Variants in BHLHE41 observed in about 807,000 individuals in gnomAD.
BHLHE41 encodes the protein basic helix-loop-helix family member e41.
A neutral mutation model predicts 24.0 loss-of-function variants in BHLHE41; 14 were observed. That is an observed-to-expected ratio of 0.58 (90% CI 0.39 to 0.91). BHLHE41 has a LOEUF of 0.91. BHLHE41 is among the 40% of genes least tolerant of loss of function. The pLI, the probability that BHLHE41 is intolerant of heterozygous loss-of-function variation, is 0.00. For missense variants in BHLHE41, 674 were observed against 655.4 expected (o/e 1.03, Z -0.31); for synonymous variants, 394 against 315.5 (o/e 1.25, Z -2.64).
In BHLHE41 at chr12:26,124,772, T is replaced by A. The variant is rs775429463; in HGVS notation, c.8A>T (p.Glu3Val). ...TCTCTCTTGCAAATGAGGAATTCCT[T>A]CGTCCATGTTCAACTGCTGTTCGTT... MD[E>V]GIPHLQERQL... The change falls in exon 1 of 5, where the codon GAA (glutamate) becomes GTA (valine). Residue 3 changes from glutamate (E) to valine (V), a missense_variant. Around this residue, in one of 3 missense-constraint regions of BHLHE41, gnomAD observed 67 missense variants for 62.4 expected, o/e 1.07. Transcript: ENST00000242728. 2.0e-5 allele frequency: 32 copies of A among 1,614,184 alleles called. No homozygotes were observed. Among genetic ancestry groups the A allele is most frequent in the Non-Finnish European group, 2.7e-5 (32 of 1,180,026 alleles).
chr12:26,124,164 G>A lies in BHLHE41; in HGVS notation c.142C>T (p.Pro48Ser). ...RDDTKDTYKLPHRLIEKKRRD... is the reference protein window; with the variant it reads ...RDDTKDTYKLSHRLIEKKRRD... ...CTTTTCTTTTCTATTAATCTGTGCG[G>A]TAATTTGTAGGTATCCTTAATATAT... Residue 48 changes from proline (P) to serine (S), a missense_variant, in exon 3 of 5, where the codon CCG becomes TCG. By Grantham distance (74) the Pro-to-Ser change is moderately conservative. Coordinates refer to ENST00000242728, the MANE Select transcript of BHLHE41 (RefSeq NM_030762.3). The A allele has an allele frequency of 6.2e-7, 1 of 1,603,108 alleles. No homozygotes were observed. Among genetic ancestry groups the A allele is most frequent in the African/African-American group, 1.3e-5 (1 of 74,750 alleles).
chr12:26,121,938 G>A lies in BHLHE41; in HGVS notation c.*128C>T, dbSNP rs1944308930. On this transcript the variant is annotated 3_prime_UTR_variant, in exon 5 of 5. Coordinates refer to ENST00000242728, the MANE Select transcript of BHLHE41 (RefSeq NM_030762.3). The stretch of plus-strand genomic sequence containing the variant: ...TTTGTTGTTCTTGTTTATGCCTGTC[G>A]TGCATCTATTACACTTCCTCCCTTA... 10 of 1,534,544 alleles carry A rather than the reference G, an allele frequency of 6.5e-6. No individual in the cohort carries two copies. The highest frequency in any genetic ancestry group is 2.8e-5 in the African/African-American group (2 of 72,442).
Position 26,123,031 on chromosome 12 carries a change from G to T in BHLHE41, c.484C>A (p.Leu162Met). ...WTPREPRCVQ[L>M]INHLHAVATQ... ...GCCACGGCGTGCAAGTGGTTGATCAGCTGGACACACCGCGGCTCCCTGGGT... is the reference window on the plus strand; with the variant it reads ...GCCACGGCGTGCAAGTGGTTGATCATCTGGACACACCGCGGCTCCCTGGGT... Residue 162 changes from leucine to methionine, a missense_variant, in exon 5 of 5, where the codon CTG becomes ATG. Coordinates refer to ENST00000242728, the MANE Select transcript of BHLHE41 (RefSeq NM_030762.3). 6.3e-7 allele frequency: 1 copy of T among 1,575,156 alleles called. No individual in the cohort carries two copies. The highest frequency in any genetic ancestry group is 8.6e-7 in the Non-Finnish European group (1 of 1,159,674).
At position 26,124,300 on chromosome 12, in the gene BHLHE41, C is replaced by A. The variant is rs539207624; in HGVS notation, c.127-121G>T. ...AAAACATACTATGTGATAAACTACA[C>A]CCAAGAAACCTCTTTCCTCTGGACT... On this transcript the variant is annotated intron_variant, in intron 2 of 4. Transcript: ENST00000242728. The A allele has an allele frequency of 2.8e-5, 17 of 598,688 alleles. No individual in the cohort carries two copies. In the African/African-American group the frequency reaches 3.8e-4, roughly 13 times the overall value. 37.1% of individuals were successfully genotyped at this position (598,688 alleles called of 1,614,324 possible). A position where few individuals can be genotyped will look rare whatever the true frequency, so the allele number is the denominator to read the frequency against.
chr12:26,122,821 C>T lies in BHLHE41; in HGVS notation c.694G>A (p.Ala232Thr). The T allele has an allele frequency of 6.3e-7, 1 of 1,584,590 alleles. No individual in the cohort carries two copies. Among genetic ancestry groups the T allele is most frequent in the Non-Finnish European group, 8.5e-7 (1 of 1,169,834 alleles). The change falls in exon 5 of 5, where the codon GCC becomes ACC. Residue 232 changes from alanine to threonine, a missense_variant. Transcript: ENST00000242728. ...QRTQPSAELAAENDTDTDSGY... is the reference protein window; with the variant it reads ...QRTQPSAELATENDTDTDSGY... Reference sequence around the variant, plus strand: ...CTGTCGGTGTCCGTGTCGTTCTCGGCGGCGAGCTCGGCGCTGGGCTGAGTC... The same window carrying T: ...CTGTCGGTGTCCGTGTCGTTCTCGGTGGCGAGCTCGGCGCTGGGCTGAGTC...
In BHLHE41 at chr12:26,122,282, CGCG is replaced by C. The variant is rs909227356; in HGVS notation, c.1230_1232del (p.Ala411del). ...ACAACACCGAGGACAGGCAGGGGAA[CGCG>C]GCGGCGGCGGCGGCAGCGGCGGCGG... On this transcript the variant is annotated inframe_deletion, in exon 5 of 5. Coordinates refer to ENST00000242728, the MANE Select transcript of BHLHE41 (RefSeq NM_030762.3). 2.4e-4 allele frequency: 288 copies of C among 1,197,586 alleles called. No homozygotes were observed. The highest frequency in any genetic ancestry group is 9.2e-4 in the East Asian group (26 of 28,320). 74.2% of individuals were successfully genotyped at this position (1,197,586 alleles called of 1,614,324 possible). A position where few individuals can be genotyped will look rare whatever the true frequency, so the allele number is the denominator to read the frequency against.
chr12:26,124,253 GCCCCCC>G, intron 2 of BHLHE41, 74 bp from the exon 3 acceptor site: 2 of 785,880 alleles, frequency 2.5e-6, no homozygotes, highest in East Asian at 2.8e-5. Flanking sequence ...ACCCTCGTCT[GCCCCCC>G]CCGCCCCCCC....
Position 26,122,216 on chromosome 12 carries a change from G to A in BHLHE41, c.1299C>T (p.Leu433=), listed in dbSNP as rs1944313249. ...CAAGGGGCGCCACCTCGTGCGGCAG[G>A]AGGGTCGCGGCGGCGGCGCCCGCCT... The part of the protein sequence containing the change: ...PEKAGAAAAT[L]LPHEVAPLGA... The change falls in exon 5 of 5, where the codon CTC becomes CTT. Residue 433 remains leucine, a synonymous_variant. Coordinates refer to ENST00000242728, the MANE Select transcript of BHLHE41 (RefSeq NM_030762.3). 1 of 1,319,488 alleles carries A rather than the reference G, an allele frequency of 7.6e-7. No individual in the cohort carries two copies. Among genetic ancestry groups the A allele is most frequent in the Non-Finnish European group, 9.6e-7 (1 of 1,036,302 alleles). The allele number at this position is 1,319,488 out of a possible 1,614,324, so 81.7% of individuals were successfully genotyped here.
chr12:26,122,969 T>C lies in BHLHE41; in HGVS notation c.546A>G (p.Gln182=), dbSNP rs983554553. The change falls in exon 5 of 5, where the codon CAA becomes CAG. Residue 182 remains glutamine (Q), a synonymous_variant. Transcript: ENST00000242728. ...CGGTGCCTTTGCTCAGAGGGACCTG[T>C]TGAGTCAACAGCTGCGGGGTGGGCA... ...QFLPTPQLLT[Q]QVPLSKGTGA... The C allele has an allele frequency of 6.4e-7, 1 of 1,562,646 alleles. No individual in the cohort carries two copies. The highest frequency in any genetic ancestry group is 8.7e-7 in the Non-Finnish European group (1 of 1,153,018).
chr12:26,121,806 AG>A lies in BHLHE41; in HGVS notation c.*259del. ...AAAAAAGAGCCAGTGTCTTTCGCAT[AG>A]GATCTTTTACAGCTGGTGGGGGGAA... is the stretch of plus-strand genomic sequence containing the variant. On this transcript the variant is annotated 3_prime_UTR_variant, in exon 5 of 5. Transcript: ENST00000242728. 3.9e-6 allele frequency: 3 copies of A among 764,694 alleles called. No homozygotes were observed. The highest frequency in any genetic ancestry group is 5.6e-6 in the Non-Finnish European group (3 of 534,830). 47.4% of individuals were successfully genotyped at this position (764,694 alleles called of 1,614,324 possible).
chr12:26,123,341 G>T (rs1455942430), intron 4 of BHLHE41, among the ~76,000 whole-genome samples, 173 bp from the exon 5 acceptor site: 1 of 152,174 alleles, frequency 6.6e-6, no homozygotes, highest in African/African-American at 2.4e-5. Context: ...GCGGGGTGGC[G>T]GAGGTGCGGA....
At position 26,120,220 on chromosome 12, in the gene BHLHE41, C is replaced by T. The variant is rs1591837193; in HGVS notation, c.*1846G>A. The T allele has an allele frequency of 1.3e-5, 2 of 152,534 alleles. No homozygotes were observed. The highest frequency in any genetic ancestry group is 4.1e-4 in the South Asian group (2 of 4,830). The allele number at this position is 152,534 out of a possible 1,614,324, so 9.4% of individuals were successfully genotyped here. A position where few individuals can be genotyped will look rare whatever the true frequency, so the allele number is the denominator to read the frequency against. ...TATAGATATCTTAAAACTAATTGAG[C>T]ATCCATTATGTCTTTTTTAATTATT... On this transcript the variant is annotated 3_prime_UTR_variant, in exon 5 of 5. Transcript: ENST00000242728.
chr12:26,123,203 G>A (rs1944330597), intron 4 of BHLHE41, 35 bp from the exon 5 acceptor site: 2 of 1,545,304 alleles, frequency 1.3e-6, no homozygotes, highest in African/African-American at 1.4e-5. Flanking sequence ...GGGGGACGGA[G>A]GAGTGGAGGC....
Position 26,122,472 on chromosome 12 carries a change from C to A in BHLHE41, c.1043G>T (p.Cys348Phe). 1 of 1,344,092 alleles carries A rather than the reference C, an allele frequency of 7.4e-7. No individual in the cohort carries two copies. The highest frequency in any genetic ancestry group is 9.6e-7 in the Non-Finnish European group (1 of 1,038,940). 83.3% of individuals were successfully genotyped at this position (1,344,092 alleles called of 1,614,324 possible). Residue 348 changes from cysteine to phenylalanine, a missense_variant, in exon 5 of 5, where the codon TGC becomes TTC. This residue lies in a region of BHLHE41 where 602 missense variants were observed against 570.8 expected (regional missense o/e 1.05). Transcript: ENST00000242728. ...PQPAAAAAPF[C>F]LPFCFLSPSA... ...AGGCGAGAGGAAGCAGAAGGGCAGG[C>A]AGAAGGGGGCCGCGGCGGCCGCGGG...
Position 26,122,309 on chromosome 12 carries a change from G to GGCGGCTGCC in BHLHE41, c.1197_1205dup (p.Ala409_Ala411dup), listed in dbSNP as rs917726348. ...CGGCGGCGGCGGCGGCAGCGGCGGCGGCGGCTGCCGCGGCTGCCGCCGGGG... is the reference window on the plus strand; with the variant it reads ...CGGCGGCGGCGGCGGCAGCGGCGGCGGCGGCTGCCGCGGCTGCCGCGGCTGCCGCCGGGG... On this transcript the variant is annotated inframe_insertion, in exon 5 of 5. Transcript: ENST00000242728. The GGCGGCTGCC allele has an allele frequency of 4.6e-5, 54 of 1,174,948 alleles. No homozygotes were observed. Among genetic ancestry groups the GGCGGCTGCC allele is most frequent in the Non-Finnish European group, 5.1e-5 (49 of 952,652 alleles). 72.8% of individuals were successfully genotyped at this position (1,174,948 alleles called of 1,614,324 possible).
rs764065401 is a variant in BHLHE41, at chr12:26,122,693, C to T, written c.822G>A (p.Ser274=). ...TIKQEPPGED[S]PAPKRMKLDS... Reference sequence around the variant, plus strand: ...CCAGCTTCATCCTCTTGGGCGCCGGCGAGTCCTCCCCGGGAGGCTCCTGCT... The same window carrying T: ...CCAGCTTCATCCTCTTGGGCGCCGGTGAGTCCTCCCCGGGAGGCTCCTGCT... Residue 274 remains serine (S), a synonymous_variant, in exon 5 of 5, where the codon TCG becomes TCA. Transcript: ENST00000242728. 3 of 1,563,008 alleles carry T rather than the reference C, an allele frequency of 1.9e-6. No homozygotes were observed. In the South Asian group the frequency reaches 3.5e-5, roughly 18 times the overall value.
Position 26,124,770 on chromosome 12 carries a change from C to T in BHLHE41, c.10G>A (p.Gly4Arg), listed in dbSNP as rs1944348574. The T allele has an allele frequency of 6.2e-7, 1 of 1,614,164 alleles. No individual in the cohort carries two copies. The highest frequency in any genetic ancestry group is 1.7e-5 in the Admixed American group (1 of 60,018). Reference protein sequence around the residue: MDEGIPHLQERQLL... With the variant: MDERIPHLQERQLL... ...TGTCTCTCTTGCAAATGAGGAATTC[C>T]TTCGTCCATGTTCAACTGCTGTTCG... Residue 4 changes from glycine to arginine, a missense_variant, in exon 1 of 5, where the codon GGA (glycine) becomes AGA (arginine). Physicochemically the swap from Gly to Arg is moderately radical, Grantham distance 125. This residue lies in a region of BHLHE41 where 67 missense variants were observed against 62.4 expected (regional missense o/e 1.07). Transcript: ENST00000242728.
At chr12:26,123,191 G>A (rs1288445879) in intron 4 of BHLHE41, 23 bp from the exon 5 acceptor site, 3 of 1,563,672 alleles carry the variant, frequency 1.9e-6, no homozygotes, top group African/African-American at 1.4e-5. Context: ...AGGGATGGGG[G>A]TGGGGGACGG....
At position 26,122,069 on chromosome 12, in the gene BHLHE41, G is replaced by T; in HGVS notation, c.1446C>A (p.Pro482=). Reference sequence around the variant, plus strand: ...CCGTCCTTCGGGACGCAAGGATTCAGGGAGCTTCCTTTCCTGGCTGCGAGG... The same window carrying T: ...CCGTCCTTCGGGACGCAAGGATTCATGGAGCTTCCTTTCCTGGCTGCGAGG... The part of the protein sequence containing the change: ...EDPSQPGKEA[P] Residue 482 remains proline (P), a synonymous_variant, in exon 5 of 5, where the codon CCC becomes CCA. Transcript: ENST00000242728. 5.2e-6 allele frequency: 8 copies of T among 1,549,648 alleles called. No individual in the cohort carries two copies. The highest frequency in any genetic ancestry group is 7.0e-6 in the Non-Finnish European group (8 of 1,146,514).
Sources: allele counts gnomAD v4.1 joint callset (sites outside exome capture counted in the v4.1 genomes callset), GRCh38; gene constraint gnomAD v4.1.1; regional missense constraint gnomAD v4.1.1; transcripts MANE v1.5; gene names NCBI Gene and HGNC (gene_info 2026-07-23, HGNC 2026-07-21).